The following WWOX variants were observed in gnomAD, a reference collection of about 807,000 sequenced individuals.
WWOX encodes the protein WW domain-containing oxidoreductase.
In WWOX, 69 loss-of-function variants were observed where a neutral mutation model predicts 46.2. That is an observed-to-expected ratio of 1.49 (90% confidence interval 1.23 to 1.82). The LOEUF is 1.82. WWOX is among the 40% of genes most tolerant of loss of function. WWOX has a pLI of 0.00. For missense variants in WWOX, 919 were observed against 542.6 expected, an observed-to-expected ratio of 1.69 and a Z score of -6.89; for synonymous variants, 359 against 202.6, an observed-to-expected ratio of 1.77 and a Z score of -6.56.
chr16:78,521,010 C>T lies in WWOX; in HGVS notation c.1056+88258C>T, dbSNP rs142040924. Among the ~76,000 whole-genome samples, 188 of 152,288 alleles carry T rather than the reference C, an allele frequency of 1.2e-3. 7 individuals are homozygous for T. The East Asian group carries it at 0.031, about 25-fold the overall frequency. The stretch of plus-strand genomic sequence containing the variant: ...GGGTGAAGGGCTGAATTTGCAGGGT[C>T]AAGGAGATTGCCTCCAGGCCCCTTC... On this transcript the variant is annotated intron_variant, in intron 8 of 8. Coordinates refer to ENST00000566780, the MANE Select transcript of WWOX (RefSeq NM_016373.4).
At chr16:78,257,528 C>T (rs532739243) in intron 5 of WWOX, among the ~76,000 whole-genome samples, 1 of 152,150 alleles carries the variant, frequency 6.6e-6, no homozygotes, top group Non-Finnish European at 1.5e-5. Flanking sequence ...CAAAATCTCA[C>T]TCCTACAAGG....
At position 79,026,784 on chromosome 16, in the gene WWOX, A is replaced by ATTTT. The variant is rs11373534; in HGVS notation, c.1057-184810_1057-184807dup. ...AGGCGACTGCCACCACGCCCGGCTAATTTTTTTTTTTTTTTTTGGTATTTT... is the reference window on the plus strand; with the variant it reads ...AGGCGACTGCCACCACGCCCGGCTAATTTTTTTTTTTTTTTTTTTTTGGTATTTT... On this transcript the variant is annotated intron_variant, in intron 8 of 8. Transcript: ENST00000566780. 1.2e-3 allele frequency among the ~76,000 whole-genome samples: 149 copies of ATTTT among 123,246 alleles called. 2 individuals are homozygous for ATTTT. Among genetic ancestry groups the ATTTT allele is most frequent in the African/African-American group, 4.7e-3 (144 of 30,920 alleles). 80.9% of individuals were successfully genotyped at this position (123,246 alleles called of 152,430 possible). A position where few individuals can be genotyped will look rare whatever the true frequency, so the allele number is the denominator to read the frequency against.
At chr16:78,950,981 C>G (rs2046048243) in intron 8 of WWOX, among the ~76,000 whole-genome samples, 1 of 152,218 alleles carries the variant, frequency 6.6e-6, no homozygotes, top group Non-Finnish European at 1.5e-5. Context: ...GCTCAACCGC[C>G]TCTCTTAATT....
rs189252309 is a variant in WWOX, at chr16:78,235,565, C to T, written c.516+71276C>T. Among the ~76,000 whole-genome samples the T allele has an allele frequency of 1.5e-3, 229 of 152,316 alleles. 1 individual carries two copies. Among genetic ancestry groups the T allele is most frequent in the Non-Finnish European group, 2.3e-3 (156 of 68,034 alleles). ...TCTAGCTCTCTGTCTGCATCTTCAG[C>T]GTGGCTTCACTGGTTTCTAAGTCTC... On this transcript the variant is annotated intron_variant, in intron 5 of 8. Transcript: ENST00000566780.
chr16:78,883,706 A>G (rs368269443), intron 8 of WWOX, among the ~76,000 whole-genome samples: 16 of 151,832 alleles, frequency 1.1e-4, no homozygotes, highest in African/African-American at 3.9e-4. Context: ...CCTGGGCAAC[A>G]GAGCAAGACT....
chr16:78,324,325 C>T (rs1443827672), intron 5 of WWOX, among the ~76,000 whole-genome samples: 1 of 152,024 alleles, frequency 6.6e-6, no homozygotes, highest in African/African-American at 2.4e-5. Flanking sequence ...GAAGTTGGAA[C>T]CCTCACACAC....
chr16:78,940,040 A>G lies in WWOX; in HGVS notation c.1057-271568A>G, dbSNP rs564218518. ...CAAAAACTGCAGGCCTGAAGCTTCT[A>G]AAAATAAACGTTACTTTCATCCCAT... On this transcript the variant is annotated intron_variant, in intron 8 of 8. Transcript: ENST00000566780. Among the ~76,000 whole-genome samples, 6 of 152,328 alleles carry G rather than the reference A, an allele frequency of 3.9e-5. No individual in the cohort carries two copies. In the South Asian group the frequency reaches 1.0e-3, roughly 26 times the overall value.
chr16:78,875,744 T>A (rs2044221773), intron 8 of WWOX, among the ~76,000 whole-genome samples: 1 of 152,230 alleles, frequency 6.6e-6, no homozygotes, highest in South Asian at 2.1e-4. Context: ...GTGTCTACCC[T>A]TTCAACTGGC....
rs8060202 is a variant in WWOX at position 78,711,693 on chromosome 16, C to G, written c.1056+278941C>G. Among the ~76,000 whole-genome samples, 605 of 152,026 alleles carry G rather than the reference C, an allele frequency of 4.0e-3. 2 individuals carry two copies. Among genetic ancestry groups the G allele is most frequent in the Middle Eastern group, 0.017 (5 of 294 alleles). ...AATGAAAGAACCTTCCATAAGGGGA[C>G]GCAGCACAGTTTGAATATAAGTGTT... On this transcript the variant is annotated intron_variant, in intron 8 of 8. Transcript: ENST00000566780.
At chr16:78,881,072 A>T (rs1343846369) in intron 8 of WWOX, among the ~76,000 whole-genome samples, 1 of 150,218 alleles carries the variant, frequency 6.7e-6, no homozygotes, top group South Asian at 2.1e-4. Flanking sequence ...GCTCACTGCA[A>T]CCTTTGCCTC....
intron 8 of WWOX, among the ~76,000 whole-genome samples, chr16:79,058,332 C>G (rs963012068): frequency 2.0e-5 from 3 of 151,828 alleles, no homozygotes; most frequent in Non-Finnish European, 4.4e-5. Context: ...TGGTGTGAGG[C>G]TAAAATAAGC....
At chr16:78,718,878 G>C (rs13336413) in intron 8 of WWOX, among the ~76,000 whole-genome samples, 295 of 152,256 alleles carry the variant, frequency 1.9e-3, no homozygotes, top group African/African-American at 7.0e-3. Context: ...TAAAGGTGAA[G>C]AATTGGGGAG....
rs778154740 is a variant in WWOX, at chr16:78,422,700, CATAT to C, written c.606-2162_606-2159del. On this transcript the variant is annotated intron_variant, in intron 6 of 8. Transcript: ENST00000566780. ...ATATATATATACACACACACACACA[CATAT>C]ATATATACACACACACATATATATA... is the stretch of plus-strand genomic sequence containing the variant. Among the ~76,000 whole-genome samples, 81 of 40,406 alleles carry C rather than the reference CATAT, an allele frequency of 2.0e-3. 5 individuals are homozygous for C. The highest frequency in any genetic ancestry group is 5.0e-3 in the African/African-American group (72 of 14,392). The allele number at this position is 40,406 out of a possible 152,430, so 26.5% of individuals were successfully genotyped here. A position where few individuals can be genotyped will look rare whatever the true frequency, so the allele number is the denominator to read the frequency against.
chr16:78,215,409 C>T (rs1597361946), intron 5 of WWOX, among the ~76,000 whole-genome samples: 1 of 152,152 alleles, frequency 6.6e-6, no homozygotes, highest in Non-Finnish European at 1.5e-5. Flanking sequence ...CTCGTGATAG[C>T]ACGTGAGTTC....
intron 8 of WWOX, among the ~76,000 whole-genome samples, chr16:79,209,295 G>C (rs1036496323): frequency 6.6e-6 from 1 of 152,218 alleles, no homozygotes; most frequent in Admixed American, 6.5e-5. Flanking sequence ...TGGGACTGCA[G>C]AATTTCTTAG....
At chr16:78,614,218 A>G (rs2045966227) in intron 8 of WWOX, among the ~76,000 whole-genome samples, 1 of 152,238 alleles carries the variant, frequency 6.6e-6, no homozygotes, top group Non-Finnish European at 1.5e-5. Flanking sequence ...TATTGAAAGA[A>G]CTATCTGTGT....
At chr16:78,529,671 G>C (rs1040341018) in intron 8 of WWOX, among the ~76,000 whole-genome samples, 1 of 152,040 alleles carries the variant, frequency 6.6e-6, no homozygotes, top group South Asian at 2.1e-4. Flanking sequence ...GTTTCACCGT[G>C]TTAGGCAGGA....
At chr16:79,000,931 G>A (rs1869163637) in intron 8 of WWOX, among the ~76,000 whole-genome samples, 1 of 152,160 alleles carries the variant, frequency 6.6e-6, no homozygotes, top group African/African-American at 2.4e-5. Context: ...CTGCCCCACT[G>A]GACGTGGGCA....
At chr16:79,142,734 C>T (rs753212140) in intron 8 of WWOX, among the ~76,000 whole-genome samples, 20 of 152,216 alleles carry the variant, frequency 1.3e-4, no homozygotes, top group Admixed American at 2.6e-4. Flanking sequence ...GGTCTCATTC[C>T]GTTCCCTAGG....
Sources: allele counts gnomAD v4.1 joint callset (sites outside exome capture counted in the v4.1 genomes callset), GRCh38; gene constraint gnomAD v4.1.1; transcripts MANE v1.5; gene names NCBI Gene and HGNC (gene_info 2026-07-23, HGNC 2026-07-21).